The following GRID2 variants were observed in gnomAD, a reference collection of about 807,000 sequenced individuals.
GRID2 encodes the protein glutamate receptor ionotropic, delta-2.
A neutral mutation model predicts 114.8 loss-of-function variants in GRID2; 33 were observed. That is an observed-to-expected ratio of 0.29 (90% confidence interval 0.22 to 0.38). The LOEUF is 0.38. Ranked by LOEUF, GRID2 falls within the 10% of genes least tolerant of loss-of-function variation. The probability of loss-of-function intolerance (pLI) is 1.00; values close to 1 mark genes in which losing one functional copy is unlikely to be tolerated. For missense variants in GRID2, 1,184 were observed against 1,257.7 expected (o/e 0.94, Z 0.89); for synonymous variants, 505 against 449.9 (o/e 1.12, Z -1.55).
intron 2 of GRID2, among the ~76,000 whole-genome samples, chr4:92,640,992 A>G (rs914458864): frequency 6.6e-6 from 1 of 151,780 alleles, no homozygotes; most frequent in African/African-American, 2.4e-5. Flanking sequence ...ATAGGAAGAA[A>G]AGAAGGAAGG....
intron 1 of GRID2, among the ~76,000 whole-genome samples, chr4:92,398,193 A>T (rs1730600857): frequency 6.6e-6 from 1 of 152,178 alleles, no homozygotes; most frequent in Non-Finnish European, 1.5e-5. Flanking sequence ...ATATCTATAT[A>T]TAAAGATATG....
At chr4:92,515,636 G>A (rs1043460721) in intron 1 of GRID2, among the ~76,000 whole-genome samples, 1 of 151,772 alleles carries the variant, frequency 6.6e-6, no homozygotes, top group Admixed American at 6.6e-5. Context: ...TTTTATATTT[G>A]TTCTGGATAA....
chr4:93,013,310 C>T (rs1380754213), intron 2 of GRID2, among the ~76,000 whole-genome samples: 3 of 151,628 alleles, frequency 2.0e-5, no homozygotes, highest in African/African-American at 7.3e-5. Context: ...TTTTTTTAAT[C>T]TGTATTTATT....
chr4:92,353,406 T>A (rs951475852), intron 1 of GRID2, among the ~76,000 whole-genome samples: 3 of 152,032 alleles, frequency 2.0e-5, no homozygotes, highest in African/African-American at 7.2e-5. Flanking sequence ...ACTATGAGGT[T>A]ATTTTTGTTG....
chr4:93,721,658 G>A (rs1729384387), intron 14 of GRID2, among the ~76,000 whole-genome samples: 1 of 152,086 alleles, frequency 6.6e-6, no homozygotes, highest in Admixed American at 6.6e-5. Context: ...AAGATACTTA[G>A]CATAGTGTCT....
intron 2 of GRID2, among the ~76,000 whole-genome samples, chr4:92,882,656 C>T (rs899444011): frequency 6.6e-6 from 1 of 152,116 alleles, no homozygotes; most frequent in Non-Finnish European, 1.5e-5. Flanking sequence ...ACTGTGGCTT[C>T]AGTTCCAGAC....
Position 93,408,665 on chromosome 4 carries a change from A to G in GRID2, c.1347+12957A>G, listed in dbSNP as rs114744335. Among the ~76,000 whole-genome samples the G allele has an allele frequency of 5.7e-3, 869 of 152,212 alleles. 9 individuals are homozygous for G. The highest frequency in any genetic ancestry group is 9.3e-3 in the Non-Finnish European group (635 of 67,988). On this transcript the variant is annotated intron_variant, in intron 9 of 15. Coordinates refer to ENST00000282020, the MANE Select transcript of GRID2 (RefSeq NM_001510.4). ...TTTATGTGCCTTATTATTAATCTTA[A>G]TAATATGTAGTAATATTCCTTTATA...
chr4:92,966,911 C>T (rs1753192678), intron 2 of GRID2, among the ~76,000 whole-genome samples: 1 of 151,870 alleles, frequency 6.6e-6, no homozygotes, highest in South Asian at 2.1e-4. Flanking sequence ...TTATCCTAAA[C>T]AATACAATGA....
At chr4:93,078,796 T>TTATATTTATGTACTATATATACTAAA (rs1729592525) in intron 2 of GRID2, among the ~76,000 whole-genome samples, 1 of 147,000 alleles carries the variant, frequency 6.8e-6, no homozygotes, top group African/African-American at 2.5e-5. Flanking sequence ...CTAAATATAA[T>TTATATTTATGTACTATATATACTAAA]TATATTTATG....
At chr4:92,580,553 AG>A (rs1001261067) in intron 1 of GRID2, among the ~76,000 whole-genome samples, 1 of 151,964 alleles carries the variant, frequency 6.6e-6, no homozygotes, top group African/African-American at 2.4e-5. Flanking sequence ...ATCTCAAAGT[AG>A]AGTAAATTTT....
chr4:92,503,806 T>C (rs1723812227), intron 1 of GRID2, among the ~76,000 whole-genome samples: 1 of 152,120 alleles, frequency 6.6e-6, no homozygotes, highest in South Asian at 2.1e-4. Context: ...TTCTACTTAA[T>C]AAAGTGCCCA....
At chr4:93,453,567 A>T (rs1374232717) in intron 10 of GRID2, among the ~76,000 whole-genome samples, 1 of 152,160 alleles carries the variant, frequency 6.6e-6, no homozygotes, top group African/African-American at 2.4e-5. Flanking sequence ...TCCTAAATAA[A>T]AAACTTTAGC....
chr4:92,770,687 C>T (rs1447429807), intron 2 of GRID2, among the ~76,000 whole-genome samples: 1 of 152,108 alleles, frequency 6.6e-6, no homozygotes, highest in Admixed American at 6.6e-5. Context: ...GGGAAACTCC[C>T]ATTTTTAAAA....
Position 93,207,459 on chromosome 4 carries a change from TA to T in GRID2, c.789+5del. ...TGTCACTGGATCATTATAAATGAGG[TA>T]AAGCCAACTAAACCTTATTGTTAAC... On this transcript the variant is annotated splice_donor_region_variant and intron_variant, in intron 5 of 15. Coordinates refer to ENST00000282020, the MANE Select transcript of GRID2 (RefSeq NM_001510.4). The T allele has an allele frequency of 6.4e-7, 1 of 1,554,414 alleles. No homozygotes were observed. The highest frequency in any genetic ancestry group is 8.9e-7 in the Non-Finnish European group (1 of 1,126,656).
intron 9 of GRID2, among the ~76,000 whole-genome samples, chr4:93,405,198 G>A (rs1165627457): frequency 6.6e-6 from 1 of 152,038 alleles, no homozygotes; most frequent in South Asian, 2.1e-4. Context: ...TTAGGTGAAT[G>A]GGGAAAATAT....
chr4:93,442,797 C>A (rs72886206), intron 10 of GRID2, among the ~76,000 whole-genome samples: 2 of 151,968 alleles, frequency 1.3e-5, no homozygotes, highest in Non-Finnish European at 2.9e-5. Context: ...GGCTTTTATT[C>A]CTCACAATGC....
At chr4:93,089,987 T>A (rs960531524) in intron 3 of GRID2, among the ~76,000 whole-genome samples, 1 of 152,120 alleles carries the variant, frequency 6.6e-6, no homozygotes, top group African/African-American at 2.4e-5. Context: ...CCATGTGTCT[T>A]GTTCCCTAAT....
At chr4:92,846,806 T>G (rs1404669112) in intron 2 of GRID2, among the ~76,000 whole-genome samples, 1 of 152,096 alleles carries the variant, frequency 6.6e-6, no homozygotes, top group African/African-American at 2.4e-5. Flanking sequence ...AGAGAGCTCA[T>G]TTTTATTGTG....
At chr4:92,962,215 T>C (rs902505758) in intron 2 of GRID2, among the ~76,000 whole-genome samples, 1 of 151,972 alleles carries the variant, frequency 6.6e-6, no homozygotes, top group African/African-American at 2.4e-5. Context: ...TGTGTTTCTT[T>C]TTTTAGTATG....
Sources: gnomAD v4.1 joint callset for allele counts (sites outside exome capture counted in the v4.1 genomes callset) on GRCh38, gnomAD v4.1.1 for gene constraint, MANE v1.5 for transcripts, NCBI Gene and HGNC (gene_info 2026-07-23, HGNC 2026-07-21) for gene names.